Variants in FBXL17 observed in about 807,000 individuals in gnomAD.
FBXL17 encodes F-box and leucine rich repeat protein 17.
FBXL17 carries 22 observed loss-of-function variants against 66.2 expected under a neutral mutation model. The ratio of observed to expected loss-of-function variants is 0.33; its 90% confidence interval spans 0.24 to 0.47. The LOEUF (loss-of-function observed/expected upper bound fraction) is 0.47, where lower values mean the gene tolerates loss of function less well. Ranked by LOEUF, FBXL17 falls within the 20% of genes least tolerant of loss-of-function variation. The pLI, the probability that FBXL17 is intolerant of heterozygous loss-of-function variation, is 1.00. For synonymous variants in FBXL17, 474 were observed against 400.5 expected, an observed-to-expected ratio of 1.18 and a Z score of -2.19; for missense variants, 878 against 948.2, an observed-to-expected ratio of 0.93 and a Z score of 0.97.
chr5:108,076,603 T>A lies in FBXL17; in HGVS notation c.1746-55602A>T, dbSNP rs1748556896. Among the ~76,000 whole-genome samples the A allele has an allele frequency of 3.3e-5, 5 of 152,332 alleles. No homozygotes were observed. In the South Asian group the frequency reaches 1.0e-3, roughly 32 times the overall value. On this transcript the variant is annotated intron_variant, in intron 6 of 8. Transcript: ENST00000542267. ...CCCTGAAATATATTTCTTTGACATA[T>A]TTTAAAATGGCTGCTGCTTGGGCAT... is the stretch of plus-strand genomic sequence containing the variant.
intron 7 of FBXL17, among the ~76,000 whole-genome samples, chr5:107,931,165 TCAA>T (rs1419670914): frequency 6.6e-6 from 1 of 152,150 alleles, no homozygotes; most frequent in African/African-American, 2.4e-5. Flanking sequence ...ACTGTTGGCC[TCAA>T]CTAGATTGAC....
At chr5:108,263,583 TATAA>T (rs1329807227) in intron 4 of FBXL17, among the ~76,000 whole-genome samples, 16 of 152,200 alleles carry the variant, frequency 1.1e-4, no homozygotes, top group Admixed American at 1.0e-3. Context: ...GCATTTCTAT[TATAA>T]ATACAGTCAA....
chr5:108,332,693 C>T (rs150097246), intron 4 of FBXL17, among the ~76,000 whole-genome samples: 4,976 of 152,084 alleles, frequency 0.033, 123 homozygotes, highest in Non-Finnish European at 0.05. Context: ...CTGCAACCTC[C>T]ACTTCCTGGG....
rs148092473 is a variant in FBXL17 at position 108,153,996 on chromosome 5, T to G, written c.1745+32121A>C. Reference sequence around the variant, plus strand: ...TATAGGAACTGTCACATAGCCCAAATGAGCTCACTCTGCCAACAAATCTGC... The same window carrying G: ...TATAGGAACTGTCACATAGCCCAAAGGAGCTCACTCTGCCAACAAATCTGC... On this transcript the variant is annotated intron_variant, in intron 6 of 8. Transcript: ENST00000542267. 7.2e-5 allele frequency among the ~76,000 whole-genome samples: 11 copies of G among 152,178 alleles called. No individual in the cohort carries two copies. The East Asian group carries it at 2.1e-3, about 29-fold the overall frequency.
At chr5:108,166,384 A>C (rs1417549407) in intron 6 of FBXL17, among the ~76,000 whole-genome samples, 1 of 152,240 alleles carries the variant, frequency 6.6e-6, no homozygotes, top group African/African-American at 2.4e-5. Flanking sequence ...TACTCCTGCA[A>C]AACACATGCT....
intron 5 of FBXL17, among the ~76,000 whole-genome samples, chr5:108,199,515 T>G (rs1753807009): frequency 6.6e-6 from 1 of 152,210 alleles, no homozygotes; most frequent in African/African-American, 2.4e-5. Flanking sequence ...GAATTCATCA[T>G]GAACTTGTAG....
chr5:107,882,499 A>T (rs188418723), intron 7 of FBXL17, among the ~76,000 whole-genome samples: 47 of 152,154 alleles, frequency 3.1e-4, no homozygotes, highest in Admixed American at 2.7e-3. Flanking sequence ...CAATTTTTTT[A>T]AAAAAAGTTC....
chr5:108,294,296 T>C (rs1359438328), intron 4 of FBXL17, among the ~76,000 whole-genome samples: 1 of 147,306 alleles, frequency 6.8e-6, no homozygotes, highest in Non-Finnish European at 1.5e-5. Context: ...AAAAAAAATA[T>C]ATATATATAC....
Position 108,321,371 on chromosome 5 carries a change from C to T in FBXL17, c.1506+27028G>A, listed in dbSNP as rs17161236. Among the ~76,000 whole-genome samples, 43 of 151,746 alleles carry T rather than the reference C, an allele frequency of 2.8e-4. 1 individual carries two copies. The highest frequency in any genetic ancestry group is 2.6e-4 in the Admixed American group (4 of 15,178). ...GTCAGAAGAGTAGAGAAAACGACTT[C>T]TTTCCAAGTACTGACCAAATCAAGT... is the stretch of plus-strand genomic sequence containing the variant. On this transcript the variant is annotated intron_variant, in intron 4 of 8. Coordinates refer to ENST00000542267, the MANE Select transcript of FBXL17 (RefSeq NM_001163315.3).
chr5:107,949,055 G>T (rs1432934633), intron 7 of FBXL17, among the ~76,000 whole-genome samples: 4 of 151,926 alleles, frequency 2.6e-5, no homozygotes, highest in Admixed American at 2.6e-4. Flanking sequence ...TGGGGTCAAA[G>T]ATCAATAGTA....
intron 6 of FBXL17, among the ~76,000 whole-genome samples, chr5:108,117,491 T>G (rs1750306080): frequency 6.6e-6 from 1 of 152,186 alleles, no homozygotes; most frequent in Admixed American, 6.5e-5. Flanking sequence ...GCTTAAAGGC[T>G]TATGAAAACT....
chr5:108,124,502 G>C (rs1750622253), intron 6 of FBXL17, among the ~76,000 whole-genome samples: 1 of 151,984 alleles, frequency 6.6e-6, no homozygotes, highest in Non-Finnish European at 1.5e-5. Context: ...GAATTTTAAA[G>C]AACAAACATA....
intron 4 of FBXL17, among the ~76,000 whole-genome samples, chr5:108,305,679 T>A (rs184411662): frequency 3.9e-5 from 6 of 152,142 alleles, no homozygotes; most frequent in Non-Finnish European, 7.4e-5. Context: ...TCAGTCCAAT[T>A]GAGTTTTGGG....
intron 7 of FBXL17, among the ~76,000 whole-genome samples, chr5:107,972,099 A>G (rs1752395632): frequency 1.3e-5 from 2 of 152,214 alleles, no homozygotes; most frequent in South Asian, 4.1e-4. Flanking sequence ...AGAATAAAGG[A>G]ATGTCCAGTT....
At chr5:108,289,195 C>T (rs150307523) in intron 4 of FBXL17, among the ~76,000 whole-genome samples, 3 of 152,184 alleles carry the variant, frequency 2.0e-5, no homozygotes, top group East Asian at 3.9e-4. Context: ...ATAACACACA[C>T]GAAGTACCTG....
intron 7 of FBXL17, among the ~76,000 whole-genome samples, chr5:107,971,700 T>C (rs1752378434): frequency 6.6e-6 from 1 of 152,176 alleles, no homozygotes; most frequent in Non-Finnish European, 1.5e-5. Context: ...TTTTAGTTGA[T>C]AAAGTGAAAC....
At chr5:108,371,079 A>G (rs1054536856) in intron 1 of FBXL17, among the ~76,000 whole-genome samples, 1 of 152,174 alleles carries the variant, frequency 6.6e-6, no homozygotes, top group South Asian at 2.1e-4. Context: ...TTTCTGGACA[A>G]AGGACCAGGA....
chr5:107,979,848 CT>C (rs1399227336), intron 7 of FBXL17, among the ~76,000 whole-genome samples: 1 of 151,846 alleles, frequency 6.6e-6, no homozygotes, highest in African/African-American at 2.4e-5. Flanking sequence ...ATTTTCATGC[CT>C]TTAGATTTCA....
chr5:107,921,890 C>T (rs768789422), intron 7 of FBXL17, among the ~76,000 whole-genome samples: 10 of 152,188 alleles, frequency 6.6e-5, no homozygotes, highest in South Asian at 2.1e-4. Flanking sequence ...ATTTTCTCTG[C>T]GCACATGGGT....
Sources: allele counts gnomAD v4.1 joint callset (sites outside exome capture counted in the v4.1 genomes callset), GRCh38; gene constraint gnomAD v4.1.1; transcripts MANE v1.5; gene names NCBI Gene and HGNC (gene_info 2026-07-23, HGNC 2026-07-21).